Variants in WASHC4 observed in about 807,000 individuals in gnomAD.
The protein encoded by WASHC4 is WASH complex subunit 4.
In WASHC4, 86 loss-of-function variants were observed where a neutral mutation model predicts 166.6. That is an observed-to-expected ratio of 0.52 (90% confidence interval 0.43 to 0.62). The LOEUF is 0.62. WASHC4 is among the 20% of genes least tolerant of loss of function. The pLI is 0.00. For synonymous variants in WASHC4, 446 were observed against 451.6 expected, an observed-to-expected ratio of 0.99 and a Z score of 0.16; for missense variants, 1,262 against 1,382.4, an observed-to-expected ratio of 0.91 and a Z score of 1.38.
rs765673515 is a variant in WASHC4, at chr12:105,125,982, T to C, written c.787-22T>C. 1.9e-6 allele frequency: 3 copies of C among 1,606,628 alleles called. No homozygotes were observed. The South Asian group carries it at 3.3e-5, about 18-fold the overall frequency. ...GTTTATTATTGAGAGTCTGAATTTCTCTTTCAATGTTTCCTGTCTAGGCCT... is the reference window on the plus strand; with the variant it reads ...GTTTATTATTGAGAGTCTGAATTTCCCTTTCAATGTTTCCTGTCTAGGCCT... On this transcript the variant is annotated intron_variant, in intron 10 of 32. Coordinates refer to ENST00000332180, the MANE Select transcript of WASHC4 (RefSeq NM_015275.3).
At chr12:105,144,517 G>A (rs1883137095) in intron 21 of WASHC4, 62 bp downstream of exon 21, 2 of 1,334,440 alleles carry the variant, frequency 1.5e-6, no homozygotes, top group Non-Finnish European at 1.0e-6. Context: ...TTACCCTACT[G>A]TTAAACAAAA....
At position 105,152,379 on chromosome 12, in the gene WASHC4, A is replaced by C. The variant is rs1460906300; in HGVS notation, c.2686A>C (p.Ile896Leu). 1 of 1,604,658 alleles carries C rather than the reference A, an allele frequency of 6.2e-7. No individual in the cohort carries two copies. The highest frequency in any genetic ancestry group is 8.5e-7 in the Non-Finnish European group (1 of 1,171,588). The change falls in exon 26 of 33, where the codon ATC becomes CTC. Residue 896 changes from isoleucine (I) to leucine (L), a missense_variant. Transcript: ENST00000332180. ...FDRAEKFNRG[I>L]RKLGVTPEGQ... ...TAGAGCAGAAAAATTCAATCGAGGC[A>C]TCAGAAAACTTGGAGTAACACCTGA...
chr12:105,134,575 A>G (rs946833355), intron 14 of WASHC4, among the ~76,000 whole-genome samples: 2 of 152,086 alleles, frequency 1.3e-5, no homozygotes, highest in African/African-American at 4.8e-5. Flanking sequence ...TTTCTTGTTA[A>G]GAAATATTCC....
intron 7 of WASHC4, among the ~76,000 whole-genome samples, chr12:105,119,281 C>G (rs1016141811): frequency 1.3e-5 from 2 of 151,532 alleles, no homozygotes; most frequent in Non-Finnish European, 2.9e-5. Context: ...AGAGCTCTTG[C>G]AGTTTTACCA....
At chr12:105,157,193 A>C in intron 27 of WASHC4, 43 bp from the exon 28 acceptor site, 1 of 989,714 alleles carries the variant, frequency 1.0e-6, no homozygotes. Context: ...AATTGCACAT[A>C]TTTTACTTGA....
At chr12:105,119,318 C>T (rs1336264182) in intron 7 of WASHC4, among the ~76,000 whole-genome samples, 2 of 152,098 alleles carry the variant, frequency 1.3e-5, no homozygotes, top group Non-Finnish European at 2.9e-5. Flanking sequence ...TTGATTAGTT[C>T]TTTATACTTA....
chr12:105,136,973 C>T (rs1373599563), intron 14 of WASHC4, among the ~76,000 whole-genome samples: 5 of 152,074 alleles, frequency 3.3e-5, no homozygotes, highest in African/African-American at 1.2e-4. Flanking sequence ...GGGACAGGAG[C>T]AAAAGTTTGA....
At chr12:105,119,200 C>G (rs1200239851) in intron 7 of WASHC4, among the ~76,000 whole-genome samples, 3 of 152,160 alleles carry the variant, frequency 2.0e-5, no homozygotes, top group Non-Finnish European at 4.4e-5. Flanking sequence ...GCTCGTGCCA[C>G]TGAGGAGGTG....
intron 24 of WASHC4, chr12:105,149,257 C>A (rs1477231470): frequency 1.0e-6 from 1 of 985,250 alleles, no homozygotes; most frequent in African/African-American, 1.7e-5. Flanking sequence ...AGTAATCTTA[C>A]TGATGGAGGA....
chr12:105,152,012 A>T (rs1883809773), intron 25 of WASHC4, among the ~76,000 whole-genome samples: 1 of 152,160 alleles, frequency 6.6e-6, no homozygotes, highest in Admixed American at 6.5e-5. Context: ...TATTCAGCCC[A>T]CAGAAACTTG....
chr12:105,141,383 C>T, intron 18 of WASHC4, 137 bp downstream of exon 18: 1 of 756,222 alleles, frequency 1.3e-6, no homozygotes, highest in South Asian at 1.4e-5. Context: ...TTTAGCATGA[C>T]CAAAATGAGA....
chr12:105,120,701 G>T, intron 8 of WASHC4, 104 bp downstream of exon 8: 3 of 815,898 alleles, frequency 3.7e-6, no homozygotes, highest in South Asian at 2.8e-5. Context: ...CACTCTTAAA[G>T]AGGCGTGTGT....
intron 18 of WASHC4, among the ~76,000 whole-genome samples, chr12:105,142,004 CG>C (rs141615165): frequency 3.7e-4 from 35 of 95,630 alleles, no homozygotes; most frequent in Middle Eastern, 5.0e-3. Flanking sequence ...TTTTTTGGGG[CG>C]GGGGGGGTCA....
At chr12:105,134,896 CCT>C (rs1882174974) in intron 14 of WASHC4, among the ~76,000 whole-genome samples, 1 of 151,114 alleles carries the variant, frequency 6.6e-6, no homozygotes, top group Non-Finnish European at 1.5e-5. Flanking sequence ...CTTTTCTTTT[CCT>C]CTCTCGCTCT....
intron 12 of WASHC4, among the ~76,000 whole-genome samples, chr12:105,126,781 A>G (rs951364699): frequency 3.3e-5 from 5 of 152,066 alleles, no homozygotes; most frequent in African/African-American, 1.2e-4. Context: ...ATGATAACCC[A>G]GCCAATTTTT....
rs1883166032 is a variant in WASHC4, at chr12:105,144,841, A to G, written c.2303A>G (p.Glu768Gly). 6.2e-7 allele frequency: 1 copy of G among 1,613,174 alleles called. No individual in the cohort carries two copies. The highest frequency in any genetic ancestry group is 8.5e-7 in the Non-Finnish European group (1 of 1,179,398). Residue 768 changes from glutamate (E) to glycine (G), a missense_variant, in exon 22 of 33, where the codon GAG becomes GGG. Coordinates refer to ENST00000332180, the MANE Select transcript of WASHC4 (RefSeq NM_015275.3). ...CAGCGTTATGGACTGGTTATGACAG[A>G]GGCACATCTTCCCAGTCAGACTTTG... ...ATQRYGLVMT[E>G]AHLPSQTLEQ...
At position 105,143,802 on chromosome 12, in the gene WASHC4, G is replaced by A. The variant is rs145612996; in HGVS notation, c.2011-485G>A. Among the ~76,000 whole-genome samples the A allele has an allele frequency of 3.1e-3, 472 of 151,964 alleles. 1 individual carries two copies. Among genetic ancestry groups the A allele is most frequent in the African/African-American group, 0.011 (437 of 41,480 alleles). ...GAAATTTCACAATATAATCCTACCT[G>A]GGTTTGATGAAATTGTGAAAAACTT... is the stretch of plus-strand genomic sequence containing the variant. On this transcript the variant is annotated intron_variant, in intron 20 of 32. Coordinates refer to ENST00000332180, the MANE Select transcript of WASHC4 (RefSeq NM_015275.3).
Position 105,162,761 on chromosome 12 carries a change from G to A in WASHC4, c.3073G>A (p.Val1025Ile), listed in dbSNP as rs777230790. The change falls in exon 30 of 33, where the codon GTA becomes ATA. Residue 1025 changes from valine (V) to isoleucine (I), a missense_variant. By Grantham distance (29) the Val-to-Ile change is conservative (BLOSUM62 3). Coordinates refer to ENST00000332180, the MANE Select transcript of WASHC4 (RefSeq NM_015275.3). ...TACATCTTTTTAGACCCTCAACTTT[G>A]TAGAGCATTCCATTAGTTGCAAGGA... ...IIVPPLTLNF[V>I]EHSISCKEKL... The A allele has an allele frequency of 7.0e-6, 11 of 1,578,278 alleles. No individual in the cohort carries two copies. Among genetic ancestry groups the A allele is most frequent in the Non-Finnish European group, 8.7e-6 (10 of 1,150,506 alleles).
chr12:105,123,900 T>C (rs1018599626), intron 10 of WASHC4, among the ~76,000 whole-genome samples: 1 of 152,166 alleles, frequency 6.6e-6, no homozygotes, highest in Non-Finnish European at 1.5e-5. Context: ...TTAAAAATTA[T>C]ATTACTCTAC....
Sources: allele counts gnomAD v4.1 joint callset (sites outside exome capture counted in the v4.1 genomes callset), GRCh38; gene constraint gnomAD v4.1.1; transcripts MANE v1.5; gene names NCBI Gene and HGNC (gene_info 2026-07-23, HGNC 2026-07-21).